PTK2B: variants seen among roughly 807,000 people sequenced by gnomAD.
The protein encoded by PTK2B is protein-tyrosine kinase 2-beta.
In PTK2B, 71 loss-of-function variants were observed where a neutral mutation model predicts 142.9. That is an observed-to-expected ratio of 0.50 (90% CI 0.41 to 0.61). The LOEUF (loss-of-function observed/expected upper bound fraction) is 0.61, where lower values mean the gene tolerates loss of function less well. Ranked by LOEUF, PTK2B falls within the 20% of genes least tolerant of loss-of-function variation. PTK2B has a pLI of 0.00. For missense variants in PTK2B, 1,105 were observed against 1,320.4 expected (o/e 0.84, Z 2.53); for synonymous variants, 519 against 503.4 (o/e 1.03, Z -0.42).
At chr8:27,426,087 T>C (rs1191004784) in intron 5 of PTK2B, among the ~76,000 whole-genome samples, 1 of 151,742 alleles carries the variant, frequency 6.6e-6, no homozygotes. Context: ...CAACAACAAC[T>C]ACAACAAAAC....
chr8:27,315,630 G>A (rs1175214343), intron 3 of PTK2B, among the ~76,000 whole-genome samples: 3 of 151,208 alleles, frequency 2.0e-5, no homozygotes, highest in African/African-American at 7.3e-5. Flanking sequence ...ATTTTGTTGG[G>A]TCTTTTTTTT....
At chr8:27,449,171 C>G (rs1438118459) in intron 24 of PTK2B, among the ~76,000 whole-genome samples, 1 of 152,220 alleles carries the variant, frequency 6.6e-6, no homozygotes, top group Non-Finnish European at 1.5e-5. Context: ...CTTGGTCTGA[C>G]TAGTATTTAC....
chr8:27,414,791 C>A (rs1014371641), intron 2 of PTK2B, among the ~76,000 whole-genome samples: 7 of 151,956 alleles, frequency 4.6e-5, no homozygotes, highest in South Asian at 4.2e-4. Context: ...CTCACTCCCC[C>A]CTTTGGTTAC....
chr8:27,354,036 T>C (rs1235473882), intron 1 of PTK2B, among the ~76,000 whole-genome samples: 2 of 152,058 alleles, frequency 1.3e-5, no homozygotes, highest in African/African-American at 4.8e-5. Context: ...ACCTCAGACA[T>C]CTCTGTGTCT....
chr8:27,446,763 A>G (rs1441448174), intron 24 of PTK2B, among the ~76,000 whole-genome samples: 2 of 152,370 alleles, frequency 1.3e-5, no homozygotes, highest in South Asian at 2.1e-4. Flanking sequence ...GATGTTTATC[A>G]TAATATATTT....
At chr8:27,407,756 G>T (rs1808810990) in intron 2 of PTK2B, among the ~76,000 whole-genome samples, 1 of 152,092 alleles carries the variant, frequency 6.6e-6, no homozygotes, top group Non-Finnish European at 1.5e-5. Context: ...GACTTCTTGG[G>T]TTAATCAACT....
At position 27,442,950 on chromosome 8, in the gene PTK2B, G is replaced by A. The variant is rs1563294939; in HGVS notation, c.2115G>A (p.Leu705=). ...CTCGCTACCGAACCCCCAAAATCTT[G>A]GAGCCCACAGCCTTCCAGGAACCCC... ...RNARYRTPKI[L]EPTAFQEPPP... Residue 705 remains leucine, a synonymous_variant, in exon 22 of 31, where the codon TTG becomes TTA. Transcript: ENST00000346049. 3.7e-6 allele frequency: 6 copies of A among 1,614,082 alleles called. No individual in the cohort carries two copies. The highest frequency in any genetic ancestry group is 4.2e-6 in the Non-Finnish European group (5 of 1,179,974).
At chr8:27,366,573 G>A (rs1336995860) in intron 1 of PTK2B, among the ~76,000 whole-genome samples, 1 of 152,216 alleles carries the variant, frequency 6.6e-6, no homozygotes, top group Admixed American at 6.5e-5. Context: ...ACAACTTCTA[G>A]CCTCTTCCTC....
intron 10 of PTK2B, 169 bp from the exon 11 acceptor site, chr8:27,433,266 G>A: frequency 1.6e-6 from 1 of 635,868 alleles, no homozygotes; most frequent in Non-Finnish European, 2.8e-6. Context: ...GGTGAAAGGG[G>A]TGACAGAGTG....
At chr8:27,311,410 G>A (rs1802965470), upstream of PTK2B, 1 of 794,776 alleles carries the variant, frequency 1.3e-6, no homozygotes, top group Non-Finnish European at 1.9e-6. Flanking sequence ...GAGGGAGGGG[G>A]CGCTCGGAGG....
intron 1 of PTK2B, among the ~76,000 whole-genome samples, chr8:27,350,442 A>C (rs1330499339): frequency 6.6e-6 from 1 of 152,172 alleles, no homozygotes; most frequent in Non-Finnish European, 1.5e-5. Context: ...TAGGAGATTC[A>C]GAGCTCTCAA....
At position 27,397,627 on chromosome 8, in the gene PTK2B, A is replaced by G; in HGVS notation, c.43A>G (p.Thr15Ala). Reference protein sequence around the residue: ...SEPLSRVKLGTLRRPEGPAEP... With the variant: ...SEPLSRVKLGALRRPEGPAEP... Reference sequence around the variant, plus strand: ...GCCCCTGAGTCGAGTAAAGTTGGGCACGTTACGCCGGCCTGAAGGCCCTGC... The same window carrying G: ...GCCCCTGAGTCGAGTAAAGTTGGGCGCGTTACGCCGGCCTGAAGGCCCTGC... Residue 15 changes from threonine (T) to alanine (A), a missense_variant, in exon 2 of 31, where the codon ACG becomes GCG. By Grantham distance (58) the Thr-to-Ala change is moderately conservative. Transcript: ENST00000346049. The G allele has an allele frequency of 6.2e-7, 1 of 1,614,184 alleles. No individual in the cohort carries two copies. The highest frequency in any genetic ancestry group is 8.5e-7 in the Non-Finnish European group (1 of 1,180,030).
At chr8:27,455,251 C>G (rs1344157629) in intron 30 of PTK2B, among the ~76,000 whole-genome samples, 1 of 152,020 alleles carries the variant, frequency 6.6e-6, no homozygotes, top group East Asian at 1.9e-4. Context: ...ATCAGGGGTC[C>G]TGATCTTACA....
rs142873360 is a variant in PTK2B at position 27,330,126 on chromosome 8, C to T, written c.-38+4445C>T. On this transcript the variant is annotated intron_variant, in intron 1 of 30. Coordinates refer to ENST00000346049, the MANE Select transcript of PTK2B (RefSeq NM_173176.3). ...CATATCCAACGAGGATGGACTGTTT[C>T]GATATTTCAACAACCCAGATGCACC... Among the ~76,000 whole-genome samples the T allele has an allele frequency of 5.7e-3, 865 of 152,124 alleles. 3 individuals are homozygous for T. The highest frequency in any genetic ancestry group is 0.02 in the African/African-American group (829 of 41,492).
At chr8:27,324,090 C>G (rs1803294517), upstream of PTK2B, among the ~76,000 whole-genome samples, 1 of 152,202 alleles carries the variant, frequency 6.6e-6, no homozygotes, top group Admixed American at 6.5e-5. Context: ...GGAGGGGACA[C>G]CCACTGTCAG....
In PTK2B at chr8:27,433,564, T is replaced by A. The variant is rs1421433879; in HGVS notation, c.1105+12T>A. The stretch of plus-strand genomic sequence containing the variant: ...CCATCCTAGGAAAGGTGGGTTCCAT[T>A]TAAAGGTAAAGTGGCTGGACCACGG... On this transcript the variant is annotated intron_variant, in intron 11 of 30. Coordinates refer to ENST00000346049, the MANE Select transcript of PTK2B (RefSeq NM_173176.3). 1.2e-6 allele frequency: 2 copies of A among 1,609,400 alleles called. No individual in the cohort carries two copies. The highest frequency in any genetic ancestry group is 1.7e-6 in the Non-Finnish European group (2 of 1,176,134).
At chr8:27,384,724 T>C (rs979297803) in intron 1 of PTK2B, among the ~76,000 whole-genome samples, 1 of 152,188 alleles carries the variant, frequency 6.6e-6, no homozygotes, top group East Asian at 1.9e-4. Context: ...GAAATACAGA[T>C]GGCTAGGCCC....
intron 2 of PTK2B, among the ~76,000 whole-genome samples, chr8:27,418,457 G>GC (rs1300759435): frequency 3.3e-5 from 5 of 152,150 alleles, no homozygotes; most frequent in Non-Finnish European, 4.4e-5. Context: ...ACAGTTGATT[G>GC]ACTAAATTAG....
intron 2 of PTK2B, among the ~76,000 whole-genome samples, chr8:27,401,771 T>C (rs1345804276): frequency 6.6e-6 from 1 of 152,170 alleles, no homozygotes; most frequent in Non-Finnish European, 1.5e-5. Context: ...TAATGGAAAA[T>C]GCATTGGAGG....
Sources: allele counts gnomAD v4.1 joint callset (sites outside exome capture counted in the v4.1 genomes callset), GRCh38; gene constraint gnomAD v4.1.1; transcripts MANE v1.5; gene names NCBI Gene and HGNC (gene_info 2026-07-23, HGNC 2026-07-21).